The following PDE1A variants were observed in gnomAD, a reference collection of about 807,000 sequenced individuals.
PDE1A encodes phosphodiesterase 1A.
A neutral mutation model predicts 61.7 loss-of-function variants in PDE1A; 35 were observed. The observed-to-expected ratio is 0.57, with a 90% confidence interval of 0.43 to 0.75. The LOEUF (loss-of-function observed/expected upper bound fraction) is 0.75, where lower values mean the gene tolerates loss of function less well. Ranked by LOEUF, PDE1A falls within the 30% of genes least tolerant of loss-of-function variation. PDE1A has a pLI of 0.00. For synonymous variants in PDE1A, 232 were observed against 213.2 expected (o/e 1.09, Z -0.77); for missense variants, 597 against 630.6 (o/e 0.95, Z 0.57).
At chr2:182,421,673 G>A (rs1454795576) in intron 1 of PDE1A, among the ~76,000 whole-genome samples, 1 of 152,124 alleles carries the variant, frequency 6.6e-6, no homozygotes, top group Non-Finnish European at 1.5e-5. Context: ...TATTAGTGAT[G>A]ACCTCTTAAA....
At chr2:182,206,202 G>T in intron 7 of PDE1A, 137 bp from the exon 8 acceptor site, 1 of 535,128 alleles carries the variant, frequency 1.9e-6, no homozygotes, top group Non-Finnish European at 3.1e-6. Context: ...GAAGTACTTA[G>T]TTTCTTTTAT....
At chr2:182,141,204 T>A (rs1690214101) in exon 15 of PDE1A, 1 of 152,176 alleles carries the variant, frequency 6.6e-6, no homozygotes, top group Non-Finnish European at 1.5e-5. Context: ...GAAAGACAAC[T>A]GGCTCAAATA....
intron 1 of PDE1A, chr2:182,522,584 CT>C: frequency 7.3e-7 from 1 of 1,372,420 alleles, no homozygotes; most frequent in Non-Finnish European, 9.4e-7. Flanking sequence ...CACCACCCCC[CT>C]AAGCAGACAG....
intron 1 of PDE1A, among the ~76,000 whole-genome samples, chr2:182,363,636 T>C (rs569810599): frequency 5.7e-4 from 86 of 152,010 alleles, no homozygotes; most frequent in African/African-American, 1.9e-3. Context: ...TGAGGAAGAG[T>C]GAAAATTTAT....
chr2:182,526,941 T>C (rs189411205), upstream of PDE1A, among the ~76,000 whole-genome samples: 28 of 150,978 alleles, frequency 1.9e-4, no homozygotes, highest in Admixed American at 8.5e-4. Context: ...CATTAGTTAC[T>C]TTTTTTTCTT....
At chr2:182,540,358 G>A in the PDE1A span, among the ~76,000 whole-genome samples, 2 of 98,194 alleles carry the variant, frequency 2.0e-5, no homozygotes, top group African/African-American at 3.4e-5. Flanking sequence ...GAGACACCCT[G>A]TCTCAAAGAA....
chr2:182,450,880 C>G (rs982237871), intron 2 of PDE1A, among the ~76,000 whole-genome samples: 2 of 151,936 alleles, frequency 1.3e-5, no homozygotes, highest in Admixed American at 6.6e-5. Flanking sequence ...TTTGTTGTAT[C>G]GGTTTCTGAA....
chr2:182,291,150 C>G (rs370374957), intron 1 of PDE1A, among the ~76,000 whole-genome samples: 47 of 152,188 alleles, frequency 3.1e-4, no homozygotes, highest in African/African-American at 7.9e-4. Context: ...ACTAACTGGT[C>G]CATCCTCCTT....
the PDE1A span, among the ~76,000 whole-genome samples, chr2:182,660,045 G>C: frequency 6.6e-6 from 1 of 152,180 alleles, no homozygotes; most frequent in Non-Finnish European, 1.5e-5. Flanking sequence ...GGCTGGATGT[G>C]TGTGTATACA....
At chr2:182,526,206 G>C (rs535681261), upstream of PDE1A, among the ~76,000 whole-genome samples, 2 of 152,084 alleles carry the variant, frequency 1.3e-5, no homozygotes, top group East Asian at 3.9e-4. Flanking sequence ...CGCAGACTAA[G>C]GTACTCTTAA....
chr2:182,209,544 C>T (rs1166496502), intron 7 of PDE1A, among the ~76,000 whole-genome samples: 1 of 150,942 alleles, frequency 6.6e-6, no homozygotes, highest in Non-Finnish European at 1.5e-5. Context: ...GGATCTGTGT[C>T]CCCCGCCCAA....
intron 8 of PDE1A, among the ~76,000 whole-genome samples, chr2:182,202,008 G>C (rs1048582807): frequency 6.6e-6 from 1 of 152,152 alleles, no homozygotes; most frequent in Non-Finnish European, 1.5e-5. Flanking sequence ...GAATGGCAAC[G>C]ATGTTCACAC....
chr2:182,349,780 G>A (rs2577651), intron 1 of PDE1A, among the ~76,000 whole-genome samples: 43 of 152,328 alleles, frequency 2.8e-4, no homozygotes, highest in African/African-American at 7.9e-4. Flanking sequence ...AAAAACAAAA[G>A]CACACAAACA....
the PDE1A span, among the ~76,000 whole-genome samples, chr2:182,694,025 C>T: frequency 6.6e-6 from 1 of 152,158 alleles, no homozygotes; most frequent in African/African-American, 2.4e-5. Context: ...TTGGTTGTTT[C>T]TATCTTTGGT....
In PDE1A at chr2:182,173,297, T is replaced by C. The variant is rs1251225259; in HGVS notation, c.1517-5007A>G. 6.6e-5 allele frequency among the ~76,000 whole-genome samples: 10 copies of C among 152,056 alleles called. No homozygotes were observed. In the East Asian group the frequency reaches 1.7e-3, roughly 26 times the overall value. ...CTGCCCAGGTTGAAAACTTTTGAGT[T>C]GTACCTTTGTAATAAAGGAATGAGT... On this transcript the variant is annotated intron_variant, in intron 13 of 13. Coordinates refer to ENST00000351439, the Ensembl canonical transcript of PDE1A.
chr2:182,265,380 C>A (rs778219654), intron 1 of PDE1A, among the ~76,000 whole-genome samples: 5 of 151,974 alleles, frequency 3.3e-5, no homozygotes, highest in African/African-American at 1.2e-4. Flanking sequence ...TAAAGACAGA[C>A]GAAAGGCAAA....
At chr2:182,283,853 T>A (rs548316655) in intron 1 of PDE1A, among the ~76,000 whole-genome samples, 8 of 152,274 alleles carry the variant, frequency 5.3e-5, no homozygotes, top group Admixed American at 3.9e-4. Context: ...AAAAGCGTCA[T>A]GGCTTGTAAA....
At chr2:182,504,530 T>C (rs1373036931) in intron 2 of PDE1A, among the ~76,000 whole-genome samples, 2 of 152,214 alleles carry the variant, frequency 1.3e-5, no homozygotes, top group Non-Finnish European at 2.9e-5. Context: ...TTGGAAAGTA[T>C]ATATAATAAA....
intron 2 of PDE1A, among the ~76,000 whole-genome samples, chr2:182,495,116 C>G (rs990281483): frequency 1.3e-5 from 2 of 152,116 alleles, no homozygotes; most frequent in Admixed American, 1.3e-4. Context: ...CTAAGGTGCA[C>G]GTGGCCGGCA....
Sources: allele counts gnomAD v4.1 joint callset (sites outside exome capture counted in the v4.1 genomes callset), GRCh38; gene constraint gnomAD v4.1.1; transcripts MANE v1.5; gene names NCBI Gene and HGNC (gene_info 2026-07-23, HGNC 2026-07-21).